WWOX: variants seen among roughly 807,000 people sequenced by gnomAD.
The protein encoded by WWOX is WW domain-containing oxidoreductase.
In WWOX, 69 loss-of-function variants were observed where a neutral mutation model predicts 46.2. That is an observed-to-expected ratio of 1.49 (90% CI 1.23 to 1.82). The LOEUF is 1.82. Ranked by LOEUF, WWOX falls within the 40% of genes most tolerant of loss-of-function variation. The pLI, the probability that WWOX is intolerant of heterozygous loss-of-function variation, is 0.00. For missense variants in WWOX, 919 were observed against 542.6 expected (o/e 1.69, Z -6.89); for synonymous variants, 359 against 202.6 (o/e 1.77, Z -6.56).
chr16:78,588,830 C>T (rs2045283331), intron 8 of WWOX, among the ~76,000 whole-genome samples: 1 of 152,000 alleles, frequency 6.6e-6, no homozygotes, highest in Non-Finnish European at 1.5e-5. Context: ...TGGAGAGGTG[C>T]AGGTTTACCC....
chr16:78,933,200 A>T (rs2045661798), intron 8 of WWOX, among the ~76,000 whole-genome samples: 1 of 152,238 alleles, frequency 6.6e-6, no homozygotes, highest in Admixed American at 6.5e-5. Context: ...GCACTTTGGC[A>T]GGCCAAGGCG....
chr16:78,761,824 A>G (rs142538565), intron 8 of WWOX, among the ~76,000 whole-genome samples: 222 of 152,306 alleles, frequency 1.5e-3, no homozygotes, highest in African/African-American at 5.1e-3. Flanking sequence ...GAAATCATGC[A>G]GTAAAGCTGA....
intron 8 of WWOX, among the ~76,000 whole-genome samples, chr16:78,818,403 T>C (rs560019961): frequency 1.3e-5 from 2 of 152,322 alleles, no homozygotes; most frequent in Non-Finnish European, 2.9e-5. Context: ...GACTCAGGCC[T>C]TGAAGTGCAG....
intron 5 of WWOX, among the ~76,000 whole-genome samples, chr16:78,245,067 T>A (rs952871752): frequency 6.6e-6 from 1 of 152,236 alleles, no homozygotes; most frequent in Non-Finnish European, 1.5e-5. Flanking sequence ...TTGCTTGTTA[T>A]CTCTAAATTA....
At chr16:79,154,415 T>C (rs1227156093) in intron 8 of WWOX, among the ~76,000 whole-genome samples, 1 of 151,312 alleles carries the variant, frequency 6.6e-6, no homozygotes. Flanking sequence ...CCATTTTCAA[T>C]ACTGGCCCCT....
At chr16:78,835,324 G>A (rs2051948802) in intron 8 of WWOX, among the ~76,000 whole-genome samples, 1 of 152,134 alleles carries the variant, frequency 6.6e-6, no homozygotes, top group African/African-American at 2.4e-5. Flanking sequence ...AAAGCGTTGT[G>A]CAAAATATTC....
chr16:78,934,744 A>C (rs765998139), intron 8 of WWOX, among the ~76,000 whole-genome samples: 1 of 152,110 alleles, frequency 6.6e-6, no homozygotes, highest in African/African-American at 2.4e-5. Flanking sequence ...AAGGACAATG[A>C]CATGATAAAA....
chr16:78,581,384 C>T (rs867262000), intron 8 of WWOX, among the ~76,000 whole-genome samples: 1 of 152,086 alleles, frequency 6.6e-6, no homozygotes, highest in South Asian at 2.1e-4. Flanking sequence ...ATAGATAATA[C>T]AGAATGAGCC....
intron 8 of WWOX, among the ~76,000 whole-genome samples, chr16:78,575,626 C>T (rs1166936836): frequency 6.6e-6 from 1 of 152,166 alleles, no homozygotes; most frequent in Non-Finnish European, 1.5e-5. Flanking sequence ...TAAGCACCTA[C>T]TGTGTGCCAT....
Position 78,273,179 on chromosome 16 carries a change from G to C in WWOX, c.516+108890G>C, listed in dbSNP as rs571168005. Among the ~76,000 whole-genome samples the C allele has an allele frequency of 2.6e-5, 4 of 152,180 alleles. No individual in the cohort carries two copies. In the South Asian group the frequency reaches 8.3e-4, roughly 32 times the overall value. ...TCTCCGCCTGCTGTGCCTTCCTATA[G>C]TGTAGCTCCAATTGCCTTCATCCTT... On this transcript the variant is annotated intron_variant, in intron 5 of 8. Transcript: ENST00000566780.
chr16:78,865,219 C>G (rs988380310), intron 8 of WWOX, among the ~76,000 whole-genome samples: 2 of 152,056 alleles, frequency 1.3e-5, no homozygotes, highest in African/African-American at 2.4e-5. Flanking sequence ...ATTTAGGATG[C>G]GATCAGTTTT....
intron 8 of WWOX, among the ~76,000 whole-genome samples, chr16:79,192,327 T>C (rs373264603): frequency 9.4e-5 from 10 of 106,470 alleles, no homozygotes; most frequent in East Asian, 5.2e-4. Flanking sequence ...ATTCATTCAT[T>C]CATTCATTCA....
At chr16:78,128,629 C>A (rs186010737) in intron 4 of WWOX, among the ~76,000 whole-genome samples, 1 of 152,146 alleles carries the variant, frequency 6.6e-6, no homozygotes, top group Non-Finnish European at 1.5e-5. Flanking sequence ...GAATTGCTGG[C>A]CACATCTTGA....
chr16:79,011,443 C>CT (rs904512422), intron 8 of WWOX, among the ~76,000 whole-genome samples: 8 of 148,866 alleles, frequency 5.4e-5, no homozygotes, highest in African/African-American at 1.5e-4. Context: ...CATAGTCTTC[C>CT]TTTTTTTATT....
intron 8 of WWOX, among the ~76,000 whole-genome samples, chr16:78,531,220 C>T (rs1431626298): frequency 6.6e-6 from 1 of 152,154 alleles, no homozygotes. Flanking sequence ...CAGACTCTTA[C>T]ATTCAGTGCT....
intron 8 of WWOX, among the ~76,000 whole-genome samples, chr16:78,616,542 G>T (rs1410193936): frequency 1.3e-5 from 2 of 151,580 alleles, no homozygotes; most frequent in Non-Finnish European, 2.9e-5. Flanking sequence ...CAGGTGTCTC[G>T]GTGGATCACT....
rs2044829843 is a variant in WWOX at position 78,575,038 on chromosome 16, TA to T, written c.1056+142287del. On this transcript the variant is annotated intron_variant, in intron 8 of 8. Coordinates refer to ENST00000566780, the MANE Select transcript of WWOX (RefSeq NM_016373.4). ...ATATATATAAATATATATATATATA[TA>T]TATATATATATATATATATATATAT... Among the ~76,000 whole-genome samples the T allele has an allele frequency of 6.5e-4, 2 of 3,054 alleles. 1 individual carries two copies. The highest frequency in any genetic ancestry group is 0.02 in the East Asian group (2 of 98). The allele number at this position is 3,054 out of a possible 152,430, so 2.0% of individuals were successfully genotyped here.
intron 8 of WWOX, among the ~76,000 whole-genome samples, chr16:78,947,066 T>TTA (rs1555574586): frequency 6.8e-5 from 10 of 146,322 alleles, no homozygotes; most frequent in South Asian, 2.2e-4. Context: ...TTTCTTTTTT[T>TTA]AAAAAAAAGC....
chr16:78,917,005 T>G (rs1471063795), intron 8 of WWOX, among the ~76,000 whole-genome samples: 1 of 152,220 alleles, frequency 6.6e-6, no homozygotes, highest in Non-Finnish European at 1.5e-5. Flanking sequence ...ATTGGCACCA[T>G]TTTGTGACAA....
Sources: gnomAD v4.1 joint callset for allele counts (sites outside exome capture counted in the v4.1 genomes callset) on GRCh38, gnomAD v4.1.1 for gene constraint, MANE v1.5 for transcripts, NCBI Gene and HGNC (gene_info 2026-07-23, HGNC 2026-07-21) for gene names.